The following SLC24A2 variants were observed in gnomAD, a reference collection of about 807,000 sequenced individuals.
SLC24A2 encodes sodium/potassium/calcium exchanger 2.
A neutral mutation model predicts 62.0 loss-of-function variants in SLC24A2; 36 were observed. The ratio of observed to expected loss-of-function variants is 0.58; its 90% CI spans 0.44 to 0.77. The LOEUF (loss-of-function observed/expected upper bound fraction) is 0.77. Ranked by LOEUF, SLC24A2 falls within the 30% of genes least tolerant of loss-of-function variation. The probability of loss-of-function intolerance (pLI) is 0.00; values close to 1 mark genes in which losing one functional copy is unlikely to be tolerated. For missense variants in SLC24A2, 846 were observed against 817.9 expected (o/e 1.03, Z -0.42); for synonymous variants, 358 against 294.0 (o/e 1.22, Z -2.23).
At chr9:19,759,587 G>T (rs540303887) in intron 2 of SLC24A2, among the ~76,000 whole-genome samples, 1 of 152,166 alleles carries the variant, frequency 6.6e-6, no homozygotes, top group Non-Finnish European at 1.5e-5. Flanking sequence ...TGTAAAAACA[G>T]ATTACTTAAA....
At chr9:20,132,434 TTGC>T in the SLC24A2 span, among the ~76,000 whole-genome samples, 1 of 152,282 alleles carries the variant, frequency 6.6e-6, no homozygotes, top group African/African-American at 2.4e-5. Context: ...TTTCTGTGGA[TTGC>T]TGGATTTTTG....
chr9:19,521,910 G>A (rs1833223090), intron 9 of SLC24A2, among the ~76,000 whole-genome samples: 1 of 145,276 alleles, frequency 6.9e-6, no homozygotes, highest in South Asian at 2.2e-4. Context: ...TGCCTTTTAA[G>A]ACTGATGAGT....
chr9:19,758,514 C>T (rs1453081689), intron 2 of SLC24A2, among the ~76,000 whole-genome samples: 2 of 152,112 alleles, frequency 1.3e-5, no homozygotes, highest in African/African-American at 2.4e-5. Flanking sequence ...TATTTATTTT[C>T]AGTAGGTCTT....
the SLC24A2 span, among the ~76,000 whole-genome samples, chr9:19,889,707 C>G: frequency 6.6e-6 from 1 of 152,146 alleles, no homozygotes; most frequent in Non-Finnish European, 1.5e-5. Flanking sequence ...ATTGATGGCC[C>G]TGGCATCTGT....
intron 2 of SLC24A2, among the ~76,000 whole-genome samples, chr9:19,699,120 G>C (rs747006826): frequency 6.6e-6 from 1 of 152,100 alleles, no homozygotes; most frequent in Non-Finnish European, 1.5e-5. Context: ...TCCCAGACTC[G>C]GGGGTTCTGG....
chr9:19,676,974 T>A (rs1819580157), intron 2 of SLC24A2, among the ~76,000 whole-genome samples: 1 of 152,172 alleles, frequency 6.6e-6, no homozygotes, highest in East Asian at 1.9e-4. Flanking sequence ...ACTTAAGCAC[T>A]GTTGGTGGGA....
the SLC24A2 span, among the ~76,000 whole-genome samples, chr9:20,220,727 C>T: frequency 6.6e-6 from 1 of 152,104 alleles, no homozygotes; most frequent in African/African-American, 2.4e-5. Flanking sequence ...TCACGATGGC[C>T]TTACTTTTAA....
chr9:19,934,289 C>T, the SLC24A2 span, among the ~76,000 whole-genome samples: 2 of 152,170 alleles, frequency 1.3e-5, no homozygotes, highest in African/African-American at 2.4e-5. The surrounding 1 kb of genome is among the most constrained non-coding windows in gnomAD (Gnocchi z 4.1). Flanking sequence ...TCATTTTATC[C>T]GTCCCCTTCC....
At chr9:20,060,761 T>C in the SLC24A2 span, among the ~76,000 whole-genome samples, 4 of 152,240 alleles carry the variant, frequency 2.6e-5, no homozygotes, top group East Asian at 7.7e-4. Context: ...GAAGTAAAAC[T>C]ATATTTGCAG....
chr9:19,543,709 T>C (rs958742040), intron 8 of SLC24A2, among the ~76,000 whole-genome samples: 3 of 152,102 alleles, frequency 2.0e-5, no homozygotes, highest in African/African-American at 7.2e-5. Context: ...TTCAGGAGCA[T>C]GTTGTTCAAT....
chr9:19,549,622 C>G (rs1000884533), intron 8 of SLC24A2, among the ~76,000 whole-genome samples: 23 of 152,166 alleles, frequency 1.5e-4, no homozygotes, highest in African/African-American at 5.6e-4. Flanking sequence ...TCCAGTAGAC[C>G]GTCCCAGCTG....
chr9:19,687,394 C>T (rs1819914850), intron 2 of SLC24A2, among the ~76,000 whole-genome samples: 1 of 152,036 alleles, frequency 6.6e-6, no homozygotes, highest in Non-Finnish European at 1.5e-5. Context: ...AGTTTATGAG[C>T]CATTATGAAA....
chr9:20,224,967 G>A, the SLC24A2 span, among the ~76,000 whole-genome samples: 1 of 152,020 alleles, frequency 6.6e-6, no homozygotes, highest in African/African-American at 2.4e-5. Flanking sequence ...CAAATAAGAG[G>A]TATGAAAGTC....
At chr9:20,113,554 T>C in the SLC24A2 span, among the ~76,000 whole-genome samples, 6 of 152,330 alleles carry the variant, frequency 3.9e-5, no homozygotes, top group East Asian at 1.2e-3. Context: ...GTCCACTTTT[T>C]AAATTTTGGT....
the SLC24A2 span, among the ~76,000 whole-genome samples, chr9:19,999,050 C>T: frequency 6.6e-6 from 1 of 152,178 alleles, no homozygotes; most frequent in Non-Finnish European, 1.5e-5. Context: ...GGTTCCACTG[C>T]TTCATGGTGT....
At chr9:20,049,992 G>T in the SLC24A2 span, among the ~76,000 whole-genome samples, 1 of 152,034 alleles carries the variant, frequency 6.6e-6, no homozygotes, top group Non-Finnish European at 1.5e-5. Context: ...AAGATACTAG[G>T]ACACAGGGAA....
chr9:19,790,514 G>A (rs549402137), upstream of SLC24A2, among the ~76,000 whole-genome samples: 13 of 142,366 alleles, frequency 9.1e-5, no homozygotes, highest in South Asian at 1.6e-3. Flanking sequence ...GACCAAAGAC[G>A]GGCTAATTTG....
At chr9:19,533,003 T>A (rs1271582278) in intron 8 of SLC24A2, among the ~76,000 whole-genome samples, 1 of 152,236 alleles carries the variant, frequency 6.6e-6, no homozygotes, top group African/African-American at 2.4e-5. Flanking sequence ...TCTTTTACTT[T>A]GGAAACAAAG....
chr9:20,020,911 T>G, the SLC24A2 span, among the ~76,000 whole-genome samples: 3 of 152,204 alleles, frequency 2.0e-5, no homozygotes, highest in Non-Finnish European at 4.4e-5. Flanking sequence ...TAAGGATATA[T>G]GAAAGAGTTC....
Sources: gnomAD v4.1 joint callset for allele counts (sites outside exome capture counted in the v4.1 genomes callset) on GRCh38, gnomAD v4.1.1 for gene constraint, Gnocchi (gnomAD v3.1) non-coding constraint, MANE v1.5 for transcripts, NCBI Gene and HGNC (gene_info 2026-07-23, HGNC 2026-07-21) for gene names.